Variants in RBFOX1 observed in about 807,000 individuals in gnomAD.
RBFOX1 encodes RNA binding fox-1 homolog 1.
Under a neutral mutation model 57.7 loss-of-function variants are expected in RBFOX1, and 8 were observed. The observed-to-expected ratio is 0.14, with a 90% CI of 0.08 to 0.25. The LOEUF is 0.25. Among genes scored for constraint, RBFOX1 ranks in the 10% least tolerant of loss-of-function variants. The pLI is 1.00. For missense variants in RBFOX1, 611 were observed against 548.5 expected (o/e 1.11, Z -1.14); for synonymous variants, 326 against 222.4 (o/e 1.47, Z -4.15).
chr16:5,733,873 C>A (rs1490895452), intron 3 of RBFOX1, among the ~76,000 whole-genome samples: 2 of 151,984 alleles, frequency 1.3e-5, no homozygotes, highest in African/African-American at 4.8e-5. Context: ...TTTCTCTCAG[C>A]TTTCTCTCTC....
chr16:6,886,637 C>G (rs541982832), intron 3 of RBFOX1, among the ~76,000 whole-genome samples: 2 of 151,862 alleles, frequency 1.3e-5, no homozygotes, highest in East Asian at 2.0e-4. Flanking sequence ...CACCTGTAAT[C>G]CTAGCTGCTC....
At chr16:7,110,927 G>A (rs1399895658) in intron 4 of RBFOX1, among the ~76,000 whole-genome samples, 1 of 152,128 alleles carries the variant, frequency 6.6e-6, no homozygotes, top group African/African-American at 2.4e-5. Flanking sequence ...GTAGTAAAAG[G>A]ACACCAGGGC....
chr16:7,175,703 G>C (rs1701429577), intron 4 of RBFOX1, among the ~76,000 whole-genome samples: 1 of 152,122 alleles, frequency 6.6e-6, no homozygotes, highest in Non-Finnish European at 1.5e-5. Context: ...AGCTTCCCGA[G>C]GTTACCTCTT....
chr16:5,961,955 T>G (rs1746105297), intron 4 of RBFOX1, among the ~76,000 whole-genome samples: 1 of 152,222 alleles, frequency 6.6e-6, no homozygotes, highest in Non-Finnish European at 1.5e-5. Flanking sequence ...CAGAAACAGG[T>G]AGGCTTTGAT....
At chr16:5,718,638 A>G (rs7198114) in intron 3 of RBFOX1, among the ~76,000 whole-genome samples, 134,137 of 152,228 alleles carry the variant, frequency 0.88, 59,738 homozygotes, top group Non-Finnish European at 0.94. Context: ...TGGACATGGT[A>G]GCTCATGCTT....
intron 2 of RBFOX1, among the ~76,000 whole-genome samples, chr16:6,439,804 C>T (rs1281610979): frequency 6.6e-6 from 1 of 152,114 alleles, no homozygotes; most frequent in Non-Finnish European, 1.5e-5. Context: ...ATTACAAACA[C>T]ACCTGAATGA....
At chr16:6,662,446 A>G (rs956534953) in intron 3 of RBFOX1, among the ~76,000 whole-genome samples, 1 of 152,154 alleles carries the variant, frequency 6.6e-6, no homozygotes, top group Non-Finnish European at 1.5e-5. Context: ...AGAAAAAGAG[A>G]GATGTGGAAT....
chr16:6,957,382 A>G (rs115900637), intron 3 of RBFOX1, among the ~76,000 whole-genome samples: 2,516 of 151,990 alleles, frequency 0.017, 84 homozygotes, highest in African/African-American at 0.057. Context: ...CTGCCTCCCA[A>G]TGTGCTGCGA....
intron 12 of RBFOX1, among the ~76,000 whole-genome samples, chr16:7,656,535 T>C (rs2066349367): frequency 6.8e-6 from 1 of 147,792 alleles, no homozygotes; most frequent in African/African-American, 2.5e-5. Context: ...TAGAAATACT[T>C]GTTTTCAGAA....
chr16:7,591,892 A>G (rs945352914), intron 7 of RBFOX1, among the ~76,000 whole-genome samples: 1 of 152,170 alleles, frequency 6.6e-6, no homozygotes, highest in East Asian at 1.9e-4. Flanking sequence ...AGAAAAAACA[A>G]CCTTAGCACC....
chr16:5,649,159 A>T (rs775271400), intron 3 of RBFOX1, among the ~76,000 whole-genome samples: 1 of 152,042 alleles, frequency 6.6e-6, no homozygotes, highest in African/African-American at 2.4e-5. Flanking sequence ...ATACACATAT[A>T]TATGTACATA....
At chr16:5,780,638 C>A (rs766850617) in intron 3 of RBFOX1, among the ~76,000 whole-genome samples, 20 of 152,234 alleles carry the variant, frequency 1.3e-4, no homozygotes, top group African/African-American at 4.8e-4. Context: ...TTTTCATAGG[C>A]AAAGTAGGCT....
intron 1 of RBFOX1, among the ~76,000 whole-genome samples, chr16:5,389,415 G>T (rs1486327767): frequency 6.6e-6 from 1 of 152,054 alleles, no homozygotes; most frequent in Non-Finnish European, 1.5e-5. Context: ...AGCAACCCTG[G>T]CCTCCAACCA....
chr16:5,987,204 T>C (rs1415240172), intron 4 of RBFOX1, among the ~76,000 whole-genome samples: 1 of 152,236 alleles, frequency 6.6e-6, no homozygotes, highest in East Asian at 1.9e-4. Flanking sequence ...ATATTTTGCC[T>C]CCTGTCTAAT....
chr16:6,658,755 C>T (rs535707650), intron 3 of RBFOX1, among the ~76,000 whole-genome samples: 4 of 152,060 alleles, frequency 2.6e-5, no homozygotes, highest in East Asian at 1.9e-4. Flanking sequence ...GTTTTTCTTT[C>T]GCTTCCAAGC....
chr16:6,048,398 C>T (rs916672780), intron 1 of RBFOX1, among the ~76,000 whole-genome samples: 2 of 152,154 alleles, frequency 1.3e-5, no homozygotes, highest in African/African-American at 4.8e-5. Context: ...AGACTGGATA[C>T]CAGAAACCTT....
chr16:7,404,225 G>C (rs1043426262), intron 4 of RBFOX1, among the ~76,000 whole-genome samples: 1 of 151,878 alleles, frequency 6.6e-6, no homozygotes, highest in African/African-American at 2.4e-5. Flanking sequence ...GCTAAGTTTT[G>C]TATTTTTAGT....
chr16:7,521,267 A>G lies in RBFOX1; in HGVS notation c.270+2878A>G, dbSNP rs544574865. On this transcript the variant is annotated intron_variant, in intron 5 of 15. Coordinates refer to ENST00000550418, the MANE Select transcript of RBFOX1 (RefSeq NM_018723.4). ...TTTGGGCATGATGAAGGGGATTTGG[A>G]GGTGATGTGGCAAAAGATGAACCGG... Among the ~76,000 whole-genome samples the G allele has an allele frequency of 5.9e-5, 9 of 152,298 alleles. No homozygotes were observed. In the East Asian group the frequency reaches 1.7e-3, roughly 29 times the overall value.
At chr16:5,673,773 G>C (rs73514587) in intron 3 of RBFOX1, among the ~76,000 whole-genome samples, 1,726 of 152,308 alleles carry the variant, frequency 0.011, 30 homozygotes, top group African/African-American at 0.039. Context: ...ACACATGGCA[G>C]TGCATCACTG....
Sources: gnomAD v4.1 joint callset for allele counts (sites outside exome capture counted in the v4.1 genomes callset) on GRCh38, gnomAD v4.1.1 for gene constraint, MANE v1.5 for transcripts, NCBI Gene and HGNC (gene_info 2026-07-23, HGNC 2026-07-21) for gene names.